The following DPP6 variants were observed in gnomAD, a reference collection of about 807,000 sequenced individuals.
DPP6 encodes the protein dipeptidyl peptidase like 6.
A neutral mutation model predicts 122.6 loss-of-function variants in DPP6; 69 were observed. That is an observed-to-expected ratio of 0.56 (90% confidence interval 0.46 to 0.69). The LOEUF is 0.69. Ranked by LOEUF, DPP6 falls within the 30% of genes least tolerant of loss-of-function variation. DPP6 has a pLI of 0.00. For missense variants in DPP6, 928 were observed against 1,116.9 expected, an observed-to-expected ratio of 0.83 and a Z score of 2.41; for synonymous variants, 418 against 433.1, an observed-to-expected ratio of 0.97 and a Z score of 0.43.
At chr7:153,831,835 G>A in the DPP6 span, among the ~76,000 whole-genome samples, 4 of 152,134 alleles carry the variant, frequency 2.6e-5, no homozygotes, top group Non-Finnish European at 5.9e-5. Context: ...AAGATGAGGG[G>A]GCTGAGGTGG....
chr7:154,890,018 G>A (rs1177061040), intron 25 of DPP6: 1 of 159,638 alleles, frequency 6.3e-6, no homozygotes, highest in African/African-American at 2.4e-5. Context: ...TAGTGAAAGA[G>A]GGGTACCCTT....
the DPP6 span, among the ~76,000 whole-genome samples, chr7:153,833,427 A>ACT: frequency 1.3e-5 from 2 of 152,198 alleles, no homozygotes; most frequent in Non-Finnish European, 2.9e-5. Flanking sequence ...TAATCCCAGC[A>ACT]CTTTGGGAGG....
intron 5 of DPP6, among the ~76,000 whole-genome samples, chr7:154,579,715 G>A (rs560928270): frequency 6.6e-6 from 1 of 152,286 alleles, no homozygotes; most frequent in African/African-American, 2.4e-5. Context: ...GAGGAACAGA[G>A]GCAGATGGGC....
At chr7:154,004,310 G>C (rs1429267669) in intron 1 of DPP6, among the ~76,000 whole-genome samples, 1 of 152,184 alleles carries the variant, frequency 6.6e-6, no homozygotes, top group Non-Finnish European at 1.5e-5. Flanking sequence ...TGGGTTCATG[G>C]AGCCATAGGG....
chr7:154,300,994 A>G (rs1230063273), intron 1 of DPP6, among the ~76,000 whole-genome samples: 1 of 152,216 alleles, frequency 6.6e-6, no homozygotes, highest in Non-Finnish European at 1.5e-5. Flanking sequence ...GGACACAGAC[A>G]CACACAGGCG....
chr7:154,611,524 T>G (rs577944825), intron 5 of DPP6, among the ~76,000 whole-genome samples: 2 of 152,300 alleles, frequency 1.3e-5, no homozygotes, highest in East Asian at 3.9e-4. Flanking sequence ...ATAGACATCC[T>G]AGAGGAGTGT....
chr7:154,073,481 A>G (rs1461688279), intron 1 of DPP6, among the ~76,000 whole-genome samples: 2 of 152,248 alleles, frequency 1.3e-5, no homozygotes, highest in Non-Finnish European at 2.9e-5. Context: ...TTAGTGTTTT[A>G]TACATCAGTT....
At chr7:154,375,811 A>C (rs1263026262) in intron 1 of DPP6, among the ~76,000 whole-genome samples, 1 of 152,188 alleles carries the variant, frequency 6.6e-6, no homozygotes, top group East Asian at 1.9e-4. Flanking sequence ...TCTCCAAATG[A>C]TTCTGGTGAC....
intron 1 of DPP6, among the ~76,000 whole-genome samples, chr7:153,890,520 A>T (rs1799143153): frequency 6.6e-6 from 1 of 152,174 alleles, no homozygotes; most frequent in Admixed American, 6.5e-5. Context: ...ATGTTCTTAT[A>T]AAATCTTTAA....
the DPP6 span, among the ~76,000 whole-genome samples, chr7:153,798,456 G>A: frequency 2.6e-5 from 4 of 152,196 alleles, no homozygotes; most frequent in African/African-American, 9.6e-5. Flanking sequence ...ACAGGCAAAG[G>A]CTCTGAGATT....
At position 154,544,008 on chromosome 7, in the gene DPP6, A is replaced by AT. The variant is rs1451017703; in HGVS notation, c.552+3382_552+3383insT. On this transcript the variant is annotated intron_variant, in intron 4 of 25. Transcript: ENST00000377770. ...GACTCCATCTCAAAAAAAAAAAAAA[A>AT]AAAAAGAGTTTCTGTATGTGTAAAC... 7.8e-3 allele frequency among the ~76,000 whole-genome samples: 1,150 copies of AT among 146,852 alleles called. 17 individuals carry two copies. Among genetic ancestry groups the AT allele is most frequent in the African/African-American group, 0.027 (1,031 of 38,164 alleles).
intron 3 of DPP6, among the ~76,000 whole-genome samples, chr7:154,497,312 A>G (rs1010212116): frequency 3.9e-5 from 6 of 152,096 alleles, no homozygotes; most frequent in African/African-American, 1.2e-4. Flanking sequence ...ATCCTCAGAA[A>G]AAGAACTAGG....
intron 1 of DPP6, among the ~76,000 whole-genome samples, chr7:153,993,398 T>C (rs71530465): frequency 2.0e-5 from 3 of 152,228 alleles, no homozygotes; most frequent in East Asian, 1.9e-4. Context: ...TAAAAAAATA[T>C]AGTGTGAGAA....
intron 1 of DPP6, among the ~76,000 whole-genome samples, chr7:154,183,407 T>G (rs151021052): frequency 8.5e-5 from 13 of 152,336 alleles, no homozygotes; most frequent in African/African-American, 3.1e-4. Context: ...AATTGTTTAG[T>G]TGTGGCTCCT....
At chr7:154,307,180 TA>T (rs1806423828) in intron 1 of DPP6, among the ~76,000 whole-genome samples, 1 of 152,208 alleles carries the variant, frequency 6.6e-6, no homozygotes, top group African/African-American at 2.4e-5. Flanking sequence ...AATTTGCTCT[TA>T]TTTTGCCTGA....
chr7:154,841,759 G>A (rs562906472), intron 16 of DPP6, among the ~76,000 whole-genome samples: 21 of 151,424 alleles, frequency 1.4e-4, no homozygotes, highest in African/African-American at 4.6e-4. Flanking sequence ...CCATTTCCAC[G>A]GCCCCCCTCG....
chr7:154,790,680 T>G (rs1313510790), intron 10 of DPP6, among the ~76,000 whole-genome samples: 1 of 152,102 alleles, frequency 6.6e-6, no homozygotes, highest in African/African-American at 2.4e-5. Flanking sequence ...GTGAGCCACA[T>G]TCTGCCCCTC....
intron 16 of DPP6, among the ~76,000 whole-genome samples, chr7:154,834,307 A>T (rs1259854821): frequency 2.3e-5 from 2 of 87,150 alleles, no homozygotes; most frequent in African/African-American, 8.9e-5. Flanking sequence ...GTCTCTACTA[A>T]ATACAAAAAA....
At chr7:154,475,134 C>T (rs1310808572) in intron 3 of DPP6, 97 bp downstream of exon 3, 3 of 893,578 alleles carry the variant, frequency 3.4e-6, no homozygotes, top group Non-Finnish European at 5.6e-6. Context: ...CGGATTTCCC[C>T]CTTTGGCCAC....
Sources: gnomAD v4.1 joint callset for allele counts (sites outside exome capture counted in the v4.1 genomes callset) on GRCh38, gnomAD v4.1.1 for gene constraint, MANE v1.5 for transcripts, NCBI Gene and HGNC (gene_info 2026-07-23, HGNC 2026-07-21) for gene names.